The following AHRR variants were observed in gnomAD, a reference collection of about 807,000 sequenced individuals.
The protein encoded by AHRR is aryl hydrocarbon receptor repressor, also known as ahR repressor.
In AHRR, 28 loss-of-function variants were observed where a neutral mutation model predicts 44.0. The observed-to-expected ratio is 0.64, with a 90% CI of 0.47 to 0.87. The LOEUF is 0.87. AHRR is among the 40% of genes least tolerant of loss of function. The pLI is 0.00. For missense variants in AHRR, 990 were observed against 953.9 expected, an observed-to-expected ratio of 1.04 and a Z score of -0.50; for synonymous variants, 434 against 407.0, an observed-to-expected ratio of 1.07 and a Z score of -0.80.
intron 3 of AHRR, among the ~76,000 whole-genome samples, chr5:354,967 G>A (rs112085528): frequency 1.3e-5 from 2 of 152,234 alleles, no homozygotes; most frequent in African/African-American, 4.8e-5. Context: ...CCACACTGAG[G>A]GTCTTCCCCG....
intron 4 of AHRR, among the ~76,000 whole-genome samples, chr5:386,761 GTCA>G (rs545355844): frequency 2.5e-3 from 379 of 151,144 alleles, no homozygotes; most frequent in Middle Eastern, 6.9e-3. Context: ...TAACCCAGAC[GTCA>G]TCCCGGACAC....
In AHRR at chr5:411,549, G is replaced by C. The variant is rs1328226495; in HGVS notation, c.352-1795G>C. 6.6e-6 allele frequency among the ~76,000 whole-genome samples: 1 copy of C among 152,008 alleles called. No homozygotes were observed. The highest frequency in any genetic ancestry group is 1.5e-5 in the Non-Finnish European group (1 of 67,992). ...GACATACATAGGGCAGTTTTCCAAA[G>C]AAGAAATACAAGTTACCAGTGAATG... is the stretch of plus-strand genomic sequence containing the variant. On this transcript the variant is annotated intron_variant, in intron 4 of 10. Transcript: ENST00000684583. This position sits in a 1 kb window ranked among gnomAD's most constrained non-coding sequence, Gnocchi z 4.2.
intron 8 of AHRR, among the ~76,000 whole-genome samples, chr5:430,991 G>T (rs1284073352): frequency 6.6e-6 from 1 of 152,226 alleles, no homozygotes; most frequent in Non-Finnish European, 1.5e-5. Flanking sequence ...TCGGGCCCAG[G>T]TCTTCCGGCA....
At chr5:350,789 AAAG>A (rs972957293) in intron 2 of AHRR, among the ~76,000 whole-genome samples, 2 of 151,972 alleles carry the variant, frequency 1.3e-5, no homozygotes, top group Non-Finnish European at 1.5e-5. Flanking sequence ...AAAAAAAAAA[AAAG>A]AAGTGGAAAG....
Position 331,256 on chromosome 5 carries a change from A to G in AHRR, c.-11+9437A>G, listed in dbSNP as rs527533289. On this transcript the variant is annotated intron_variant, in intron 1 of 10. Transcript: ENST00000684583. The stretch of plus-strand genomic sequence containing the variant: ...CATTACTTATCTGTTCAGGTTTTCT[A>G]TTTATTCCTGGTTCAGTCTTGGGAG... Among the ~76,000 whole-genome samples the G allele has an allele frequency of 3.3e-5, 5 of 152,178 alleles. No homozygotes were observed. In the South Asian group the frequency reaches 6.2e-4, roughly 19 times the overall value.
intron 4 of AHRR, among the ~76,000 whole-genome samples, chr5:402,984 A>C (rs1735081235): frequency 6.6e-6 from 1 of 152,214 alleles, no homozygotes; most frequent in African/African-American, 2.4e-5. Context: ...GAATCTAAAA[A>C]AGTGGAACTC....
intron 4 of AHRR, among the ~76,000 whole-genome samples, chr5:398,537 A>T (rs1005950506): frequency 8.5e-5 from 13 of 152,216 alleles, no homozygotes; most frequent in African/African-American, 3.1e-4. Context: ...CCCTCGGCTC[A>T]GCTGGGCTTG....
At chr5:345,853 C>T (rs16899920) in intron 2 of AHRR, among the ~76,000 whole-genome samples, 22,828 of 152,028 alleles carry the variant, frequency 0.15, 5,473 homozygotes, top group African/African-American at 0.51. Flanking sequence ...AGGAAGGATC[C>T]TGTTTACTGT....
rs536764958 is a variant in AHRR, at chr5:437,502, G to A, written c.*2668G>A. On this transcript the variant is annotated 3_prime_UTR_variant, in exon 11 of 11. Transcript: ENST00000684583. Reference sequence around the variant, plus strand: ...AAGATCGAATCAGAGACGTGGCTGCGTGTTTGCGATTGTAGCCAGGCCCTT... The same window carrying A: ...AAGATCGAATCAGAGACGTGGCTGCATGTTTGCGATTGTAGCCAGGCCCTT... The A allele has an allele frequency of 2.6e-5, 4 of 152,492 alleles. No individual in the cohort carries two copies. Among genetic ancestry groups the A allele is most frequent in the East Asian group, 1.9e-4 (1 of 5,302 alleles). The allele number at this position is 152,492 out of a possible 1,614,324, so 9.4% of individuals were successfully genotyped here.
intron 4 of AHRR, chr5:403,640 A>AC (rs1735125884): frequency 1.2e-5 from 2 of 163,918 alleles, no homozygotes; most frequent in Admixed American, 1.2e-4. Context: ...TCCGTTTCAG[A>AC]AAAAAAAAAA....
At position 381,577 on chromosome 5, in the gene AHRR, G is replaced by A. The variant is rs183499730; in HGVS notation, c.351+4861G>A. Among the ~76,000 whole-genome samples the A allele has an allele frequency of 4.8e-4, 65 of 134,430 alleles. No individual in the cohort carries two copies. In the East Asian group the frequency reaches 0.012, roughly 24 times the overall value. The allele number at this position is 134,430 out of a possible 152,430, so 88.2% of individuals were successfully genotyped here. A position where few individuals can be genotyped will look rare whatever the true frequency, so the allele number is the denominator to read the frequency against. ...GTCACCCAGGCTGGAGTGCAGTGGTGCAATCTCGGTTCACTGCAATCTCTG... is the reference window on the plus strand; with the variant it reads ...GTCACCCAGGCTGGAGTGCAGTGGTACAATCTCGGTTCACTGCAATCTCTG... On this transcript the variant is annotated intron_variant, in intron 4 of 10. Transcript: ENST00000684583.
intron 3 of AHRR, among the ~76,000 whole-genome samples, chr5:360,999 A>C (rs772428322): frequency 2.0e-5 from 3 of 152,150 alleles, no homozygotes; most frequent in Non-Finnish European, 4.4e-5. Context: ...CACCTGTAAT[A>C]CCAGCACTTT....
At chr5:408,297 A>G (rs572177417) in intron 4 of AHRR, among the ~76,000 whole-genome samples, 9 of 152,162 alleles carry the variant, frequency 5.9e-5, no homozygotes, top group South Asian at 2.1e-4. Context: ...GTGTTTCCCT[A>G]TGAAGTCGCT....
At chr5:424,030 C>A (rs1019615599) in intron 7 of AHRR, 53 bp downstream of exon 7, 1 of 1,566,014 alleles carries the variant, frequency 6.4e-7, no homozygotes, top group Admixed American at 1.8e-5. Context: ...ATGCATTCTA[C>A]CCTGGTGTGG....
intron 2 of AHRR, among the ~76,000 whole-genome samples, chr5:352,151 G>A (rs1353817283): frequency 3.9e-5 from 6 of 152,386 alleles, no homozygotes; most frequent in African/African-American, 1.4e-4. Flanking sequence ...TATCTAGAAC[G>A]AGATGGCAGT....
chr5:421,027 A>G (rs1211450674), intron 5 of AHRR: 5 of 503,442 alleles, frequency 9.9e-6, no homozygotes, highest in Non-Finnish European at 1.4e-5. Flanking sequence ...GAAAGTTGAA[A>G]CCATAGCAAG....
chr5:376,526 G>C (rs1258456603), intron 3 of AHRR, 84 bp from the exon 4 acceptor site: 2 of 1,436,428 alleles, frequency 1.4e-6, no homozygotes, highest in Non-Finnish European at 1.9e-6. Context: ...GGTGAACGCG[G>C]GGAAACACAG....
intron 2 of AHRR, 67 bp downstream of exon 2, chr5:344,031 C>G (rs1037580165): frequency 1.3e-6 from 2 of 1,517,192 alleles, no homozygotes; most frequent in African/African-American, 2.9e-5. Flanking sequence ...TGGGGTTTGC[C>G]TTGAAAACGG....
intron 6 of AHRR, 143 bp downstream of exon 6, chr5:423,001 C>T (rs940232542): frequency 1.4e-5 from 16 of 1,178,552 alleles, no homozygotes; most frequent in Non-Finnish European, 1.9e-5. Context: ...CACCTTTCTT[C>T]AGAGGCCTCC....
Sources: gnomAD v4.1 joint callset for allele counts (sites outside exome capture counted in the v4.1 genomes callset) on GRCh38, gnomAD v4.1.1 for gene constraint, Gnocchi (gnomAD v3.1) non-coding constraint, MANE v1.5 for transcripts, NCBI Gene and HGNC (gene_info 2026-07-23, HGNC 2026-07-21) for gene names.